The following C10orf120 variants were observed in gnomAD, a reference collection of about 807,000 sequenced individuals.
C10orf120 encodes uncharacterized protein C10orf120.
A neutral mutation model predicts 10.8 loss-of-function variants in C10orf120; 15 were observed. The ratio of observed to expected loss-of-function variants is 1.39; its 90% confidence interval spans 0.93 to 2.14. The LOEUF (loss-of-function observed/expected upper bound fraction) is 2.14. Among genes scored for constraint, C10orf120 ranks in the 30% most tolerant of loss-of-function variants. C10orf120 has a pLI of 0.00. For missense variants in C10orf120, 447 were observed against 411.3 expected, an observed-to-expected ratio of 1.09 and a Z score of -0.75; for synonymous variants, 141 against 138.9, an observed-to-expected ratio of 1.02 and a Z score of -0.11.
chr10:122,698,554 T>G, intron 2 of C10orf120, 66 bp from the exon 3 acceptor site: 3 of 1,460,996 alleles, frequency 2.1e-6, no homozygotes, highest in Non-Finnish European at 2.8e-6. Context: ...CACAGAAACT[T>G]GCTAGTGGCT....
chr10:122,699,812 G>A lies in C10orf120; in HGVS notation c.-22C>T, dbSNP rs191099385. 1.1e-5 allele frequency: 18 copies of A among 1,598,318 alleles called. No homozygotes were observed. The East Asian group carries it at 2.2e-4, about 20-fold the overall frequency. On this transcript the variant is annotated 5_prime_UTR_variant, in exon 1 of 3. Coordinates refer to ENST00000329446, the MANE Select transcript of C10orf120 (RefSeq NM_001010912.4). ...TCATACTCCGGCAATAAGCTAGGAC[G>A]GGAGGTGTTCACACCTGGAGTTTGT...
At chr10:122,699,140 CAAAAAAAAAAAAAAAA>C (rs67633673) in intron 2 of C10orf120, among the ~76,000 whole-genome samples, 181 bp downstream of exon 2, 2 of 21,830 alleles carry the variant, frequency 9.2e-5, no homozygotes, top group Admixed American at 8.8e-4. Context: ...GACTCCGTCT[CAAAAAAAAAAAAAAAA>C]AAAAAAAAAA....
chr10:122,698,997 G>A (rs1490963618), intron 2 of C10orf120, among the ~76,000 whole-genome samples: 1 of 150,404 alleles, frequency 6.6e-6, no homozygotes, highest in African/African-American at 2.4e-5. Context: ...AGCCGGGCGC[G>A]GTGGCGGGCG....
rs751795970 is a variant in C10orf120 at position 122,699,388 on chromosome 10, T to TG, written c.200dup (p.Asp68ArgfsTer59). ...ATTTCCCAAGGGCAATCCGTGGGTC[T>TG]GATCTGTAGAATTTGCTCCATATCC... On this transcript the variant is annotated frameshift_variant, in exon 2 of 3. Coordinates refer to ENST00000329446, the MANE Select transcript of C10orf120 (RefSeq NM_001010912.4). LOFTEE classifies it high-confidence loss of function. 11 of 1,613,244 alleles carry TG rather than the reference T, an allele frequency of 6.8e-6. No homozygotes were observed. In the East Asian group the frequency reaches 2.2e-4, roughly 33 times the overall value.
At chr10:122,699,507 C>G in intron 1 of C10orf120, 95 bp from the exon 2 acceptor site, 5 of 1,444,058 alleles carry the variant, frequency 3.5e-6, no homozygotes, top group Non-Finnish European at 4.8e-6. Flanking sequence ...TTATTCTACA[C>G]TAGCCAGGCT....
chr10:122,699,091 G>A (rs1566145256), intron 2 of C10orf120, among the ~76,000 whole-genome samples: 1 of 127,102 alleles, frequency 7.9e-6, no homozygotes, highest in Non-Finnish European at 1.6e-5. Flanking sequence ...CCGAGATTGC[G>A]CCACTGCAGT....
At chr10:122,698,515 A>G in intron 2 of C10orf120, 27 bp from the exon 3 acceptor site, 1 of 1,611,626 alleles carries the variant, frequency 6.2e-7, no homozygotes, top group Non-Finnish European at 8.5e-7. Flanking sequence ...GACTATTAAA[A>G]TCTCAAGAGC....
Position 122,697,979 on chromosome 10 carries a change from T to G in C10orf120, c.762A>C (p.Lys254Asn), listed in dbSNP as rs1208949901. The G allele has an allele frequency of 1.2e-6, 2 of 1,609,236 alleles. No homozygotes were observed. Among genetic ancestry groups the G allele is most frequent in the Non-Finnish European group, 8.5e-7 (1 of 1,178,490 alleles). Reference protein sequence around the residue: ...NVVFKSKEPKKCLTYHGNDRK... With the variant: ...NVVFKSKEPKNCLTYHGNDRK... Reference sequence around the variant, plus strand: ...GATCATTTCCATGGTATGTTAAACATTTTTTTGGTTCTTTTGACTTGAAAA... The same window carrying G: ...GATCATTTCCATGGTATGTTAAACAGTTTTTTGGTTCTTTTGACTTGAAAA... The change falls in exon 3 of 3, where the codon AAA (lysine) becomes AAC (asparagine). Residue 254 changes from lysine (K) to asparagine (N), a missense_variant. By Grantham distance (94) the Lys-to-Asn change is moderately conservative (BLOSUM62 0). Transcript: ENST00000329446.
chr10:122,698,990 CGG>C (rs1566145108), intron 2 of C10orf120, among the ~76,000 whole-genome samples: 2 of 150,050 alleles, frequency 1.3e-5, no homozygotes, highest in Admixed American at 1.3e-4. Context: ...AAAAATTAGC[CGG>C]GCGCGGTGGC....
Position 122,699,770 on chromosome 10 carries a change from A to G in C10orf120, c.21T>C (p.Asn7=). 1 of 1,613,022 alleles carries G rather than the reference A, an allele frequency of 6.2e-7. No individual in the cohort carries two copies. Among genetic ancestry groups the G allele is most frequent in the Non-Finnish European group, 8.5e-7 (1 of 1,179,486 alleles). MIREWK[N]DCQRIEKQRA... ...TCTGTTTTTCAATCCTCTGACAGTC[A>G]TTCTTCCATTCTCTGATCATACTCC... The change falls in exon 1 of 3, where the codon AAT becomes AAC. Residue 7 remains asparagine, a synonymous_variant. Coordinates refer to ENST00000329446, the MANE Select transcript of C10orf120 (RefSeq NM_001010912.4).
At chr10:122,698,537 C>T (rs753508425) in intron 2 of C10orf120, 49 bp from the exon 3 acceptor site, 167 of 1,580,794 alleles carry the variant, frequency 1.1e-4, no homozygotes, top group Non-Finnish European at 1.3e-4. Context: ...CAGGGGCAGG[C>T]GGCACCCACA....
Position 122,698,098 on chromosome 10 carries a change from A to G in C10orf120, c.643T>C (p.Tyr215His), listed in dbSNP as rs780178793. The G allele has an allele frequency of 1.2e-6, 2 of 1,613,788 alleles. No homozygotes were observed. Among genetic ancestry groups the G allele is most frequent in the Non-Finnish European group, 1.7e-6 (2 of 1,179,954 alleles). Residue 215 changes from tyrosine (Y) to histidine (H), a missense_variant, in exon 3 of 3, where the codon TAT becomes CAT. By Grantham distance (83) the Tyr-to-His change is moderately conservative. Transcript: ENST00000329446. ...KNKARRKEDN[Y>H]DTHNCDDANQ... ...GCATCATCACAATTATGGGTGTCAT[A>G]GTTGTCTTCCTTTCGTCTGGCCTTA...
At position 122,697,822 on chromosome 10, in the gene C10orf120, G is replaced by T; in HGVS notation, c.919C>A (p.His307Asn). The change falls in exon 3 of 3, where the codon CAC (histidine) becomes AAC (asparagine). Residue 307 changes from histidine to asparagine, a missense_variant. Physicochemically the swap from His to Asn is moderately conservative, Grantham distance 68. Coordinates refer to ENST00000329446, the MANE Select transcript of C10orf120 (RefSeq NM_001010912.4). ...MNQDFISRRDHFSDLVKTYSL... is the reference protein window; with the variant it reads ...MNQDFISRRDNFSDLVKTYSL... ...TAGGTCTTGACCAGATCACTGAAGT[G>T]GTCTCTCCGTGATATAAAATCCTGA... 6.2e-7 allele frequency: 1 copy of T among 1,613,792 alleles called. No individual in the cohort carries two copies. The highest frequency in any genetic ancestry group is 8.5e-7 in the Non-Finnish European group (1 of 1,179,722).
rs919997642 is a variant in C10orf120 at position 122,699,674 on chromosome 10, G to T, written c.117C>A (p.Ser39=). ...KPVRIFNTNS[S]FQDQAPTCCQ... ...AACACGTTGGGGCTTGATCCTGAAA[G>T]GAAGAGTTGGTATTAAATATTCTAA... The change falls in exon 1 of 3, where the codon TCC becomes TCA. Residue 39 remains serine, a synonymous_variant. Transcript: ENST00000329446. The T allele has an allele frequency of 2.5e-6, 4 of 1,613,990 alleles. No homozygotes were observed. The highest frequency in any genetic ancestry group is 1.3e-5 in the African/African-American group (1 of 74,938).
At position 122,699,392 on chromosome 10, in the gene C10orf120, C is replaced by A. The variant is rs1566145656; in HGVS notation, c.197G>T (p.Arg66Ile). The stretch of plus-strand genomic sequence containing the variant: ...CCCAAGGGCAATCCGTGGGTCTGAT[C>A]TGTAGAATTTGCTCCATATCCTGCA... ...SPLRIWSKFY[R>I]SDPRIALGKY... Residue 66 changes from arginine (R) to isoleucine (I), a missense_variant, in exon 2 of 3, where the codon AGA becomes ATA. Physicochemically the swap from Arg to Ile is moderately conservative, Grantham distance 97. Transcript: ENST00000329446. 2 of 1,613,066 alleles carry A rather than the reference C, an allele frequency of 1.2e-6. No homozygotes were observed. Among genetic ancestry groups the A allele is most frequent in the Non-Finnish European group, 8.5e-7 (1 of 1,179,092 alleles).
In C10orf120 at chr10:122,697,873, A is replaced by G; in HGVS notation, c.868T>C (p.Phe290Leu). The change falls in exon 3 of 3, where the codon TTC becomes CTC. Residue 290 changes from phenylalanine (F) to leucine (L), a missense_variant. Physicochemically the swap from Phe to Leu is conservative, Grantham distance 22. Coordinates refer to ENST00000329446, the MANE Select transcript of C10orf120 (RefSeq NM_001010912.4). ...TTCATTAGCATTAAGTCACCAGGGA[A>G]TTCTGATATGCAGAAAAGATTTCGG... Reference protein sequence around the residue: ...TNRNLFCISEFPGDLMLMNQD... With the variant: ...TNRNLFCISELPGDLMLMNQD... 6.2e-7 allele frequency: 1 copy of G among 1,614,230 alleles called. No homozygotes were observed. Among genetic ancestry groups the G allele is most frequent in the South Asian group, 1.1e-5 (1 of 91,076 alleles).
Position 122,698,073 on chromosome 10 carries a change from G to C in C10orf120, c.668C>G (p.Ala223Gly). ...TGCCTCCTCTTTCTTATCTTGGTTGGCATCATCACAATTATGGGTGTCATA... is the reference window on the plus strand; with the variant it reads ...TGCCTCCTCTTTCTTATCTTGGTTGCCATCATCACAATTATGGGTGTCATA... ...DNYDTHNCDDANQDKKEEAEG... is the reference protein window; with the variant it reads ...DNYDTHNCDDGNQDKKEEAEG... The change falls in exon 3 of 3, where the codon GCC (alanine) becomes GGC (glycine). Residue 223 changes from alanine (A) to glycine (G), a missense_variant. Physicochemically the swap from Ala to Gly is moderately conservative, Grantham distance 60. Transcript: ENST00000329446. The C allele has an allele frequency of 6.2e-7, 1 of 1,612,854 alleles. No individual in the cohort carries two copies. The highest frequency in any genetic ancestry group is 2.2e-5 in the East Asian group (1 of 44,866).
chr10:122,699,666 T>A lies in C10orf120; in HGVS notation c.125A>T (p.Asp42Val). Residue 42 changes from aspartate (D) to valine (V), a missense_variant, in exon 1 of 3, where the codon GAT (aspartate) becomes GTT (valine). Coordinates refer to ENST00000329446, the MANE Select transcript of C10orf120 (RefSeq NM_001010912.4). ...RIFNTNSSFQ[D>V]QAPTCCQEDL... Reference sequence around the variant, plus strand: ...CTCTTGGCAACACGTTGGGGCTTGATCCTGAAAGGAAGAGTTGGTATTAAA... The same window carrying A: ...CTCTTGGCAACACGTTGGGGCTTGAACCTGAAAGGAAGAGTTGGTATTAAA... 6.2e-7 allele frequency: 1 copy of A among 1,614,020 alleles called. No individual in the cohort carries two copies. Among genetic ancestry groups the A allele is most frequent in the Non-Finnish European group, 8.5e-7 (1 of 1,179,942 alleles).
rs748749564 is a variant in C10orf120, at chr10:122,698,042, T to TC, written c.698dup (p.Asn235LysfsTer28). On this transcript the variant is annotated frameshift_variant, in exon 3 of 3. Transcript: ENST00000329446. LOFTEE classifies it low-confidence loss of function (END_TRUNC). Reference sequence around the variant, plus strand: ...TTATTTCTCGTCTTTTTGTGTTTTTTCCCTCTGCCTCCTCTTTCTTATCTT... The same window carrying TC: ...TTATTTCTCGTCTTTTTGTGTTTTTTCCCCTCTGCCTCCTCTTTCTTATCTT... 2 of 1,609,286 alleles carry TC rather than the reference T, an allele frequency of 1.2e-6. No homozygotes were observed.
Sources: allele counts gnomAD v4.1 joint callset (sites outside exome capture counted in the v4.1 genomes callset), GRCh38; gene constraint gnomAD v4.1.1; transcripts MANE v1.5; gene names NCBI Gene and HGNC (gene_info 2026-07-23, HGNC 2026-07-21).